VPS13B: variants seen among roughly 807,000 people sequenced by gnomAD.
The protein encoded by VPS13B is vacuolar protein sorting 13 homolog B.
In VPS13B, 285 loss-of-function variants were observed where a neutral mutation model predicts 426.4. The observed-to-expected ratio is 0.67, with a 90% CI of 0.61 to 0.74. The LOEUF is 0.74. Among genes scored for constraint, VPS13B ranks in the 30% least tolerant of loss-of-function variants. VPS13B has a pLI of 0.00. For synonymous variants in VPS13B, 1,676 were observed against 1,676.4 expected (o/e 1.00, Z 0.01); for missense variants, 4,537 against 4,782.6 (o/e 0.95, Z 1.51).
chr8:99,177,470 G>A (rs961795174), intron 16 of VPS13B, among the ~76,000 whole-genome samples: 1 of 152,124 alleles, frequency 6.6e-6, no homozygotes, highest in Admixed American at 6.5e-5. Flanking sequence ...ACAATTATAG[G>A]TAAATAGTAT....
At chr8:99,686,257 G>T (rs75566080) in intron 35 of VPS13B, among the ~76,000 whole-genome samples, 1 of 152,172 alleles carries the variant, frequency 6.6e-6, no homozygotes, top group African/African-American at 2.4e-5. Context: ...GGCTAAGGAA[G>T]GTAACACAAG....
intron 40 of VPS13B, among the ~76,000 whole-genome samples, chr8:99,767,521 C>T (rs1040581349): frequency 1.8e-5 from 2 of 109,898 alleles, no homozygotes; most frequent in Non-Finnish European, 3.7e-5. Flanking sequence ...AAAAAAAAGG[C>T]GACAGTCCTC....
chr8:99,133,303 G>A (rs973099219), intron 8 of VPS13B, among the ~76,000 whole-genome samples: 14 of 152,154 alleles, frequency 9.2e-5, no homozygotes, highest in Admixed American at 6.5e-5. Context: ...GCTTTCTTAC[G>A]TCTATTAGCC....
At chr8:99,461,862 T>TGA (rs1483181823) in intron 23 of VPS13B, among the ~76,000 whole-genome samples, 33 of 152,142 alleles carry the variant, frequency 2.2e-4, no homozygotes, top group African/African-American at 8.0e-4. Flanking sequence ...AAACTAAATA[T>TGA]CAGTTAATAG....
At chr8:99,464,536 G>A (rs1235057934) in intron 23 of VPS13B, among the ~76,000 whole-genome samples, 1 of 152,006 alleles carries the variant, frequency 6.6e-6, no homozygotes, top group Non-Finnish European at 1.5e-5. Flanking sequence ...TGACAAAAAC[G>A]TTTTTTATAT....
At chr8:99,664,865 T>C (rs1023272899) in intron 35 of VPS13B, among the ~76,000 whole-genome samples, 9 of 152,230 alleles carry the variant, frequency 5.9e-5, no homozygotes, top group African/African-American at 2.2e-4. Context: ...ATGGTATTTC[T>C]AGTTCTAGAT....
At chr8:99,823,615 G>A (rs1814504904) in intron 50 of VPS13B, among the ~76,000 whole-genome samples, 1 of 152,194 alleles carries the variant, frequency 6.6e-6, no homozygotes, top group Non-Finnish European at 1.5e-5. Context: ...AAAAGTAACA[G>A]GGCTGCTAAA....
At chr8:99,522,230 A>G (rs141596221) in intron 30 of VPS13B, among the ~76,000 whole-genome samples, 99 of 152,308 alleles carry the variant, frequency 6.5e-4, no homozygotes, top group African/African-American at 2.3e-3. Context: ...TTAATTTTCT[A>G]ACATTTGGAA....
chr8:99,733,742 A>G (rs978268103), intron 39 of VPS13B, among the ~76,000 whole-genome samples: 1 of 152,156 alleles, frequency 6.6e-6, no homozygotes, highest in Non-Finnish European at 1.5e-5. Context: ...TTCAATACCT[A>G]GTTAAAAAAA....
chr8:99,273,539 C>T (rs1818718326), intron 17 of VPS13B, among the ~76,000 whole-genome samples: 1 of 152,024 alleles, frequency 6.6e-6, no homozygotes, highest in Admixed American at 6.5e-5. Flanking sequence ...AATCCTAGCA[C>T]TTTGGAAGGC....
At chr8:99,785,368 C>A (rs911804271) in intron 43 of VPS13B, among the ~76,000 whole-genome samples, 3 of 152,126 alleles carry the variant, frequency 2.0e-5, no homozygotes, top group African/African-American at 7.2e-5. Context: ...ACCCCTTGGG[C>A]TCCATCTGAG....
At chr8:99,291,967 T>C (rs1819761503) in intron 19 of VPS13B, among the ~76,000 whole-genome samples, 1 of 152,146 alleles carries the variant, frequency 6.6e-6, no homozygotes. Context: ...TTCAGATAAG[T>C]ATAATTAGGA....
intron 28 of VPS13B, among the ~76,000 whole-genome samples, chr8:99,509,179 A>G (rs1459386110): frequency 1.3e-5 from 2 of 152,132 alleles, no homozygotes; most frequent in East Asian, 1.9e-4. Flanking sequence ...TACCTTAACA[A>G]TCCTTCTCCA....
At chr8:99,613,608 A>G (rs1420046313) in intron 33 of VPS13B, among the ~76,000 whole-genome samples, 1 of 152,210 alleles carries the variant, frequency 6.6e-6, no homozygotes, top group Non-Finnish European at 1.5e-5. Context: ...AGGAAAGGTG[A>G]AAATGTTTTC....
chr8:99,335,020 T>C (rs1810750934), intron 19 of VPS13B, among the ~76,000 whole-genome samples: 1 of 152,210 alleles, frequency 6.6e-6, no homozygotes, highest in Non-Finnish European at 1.5e-5. Context: ...TATTGATTAT[T>C]GCCACAATTT....
At chr8:99,566,550 C>T (rs562236302) in intron 31 of VPS13B, among the ~76,000 whole-genome samples, 21 of 152,158 alleles carry the variant, frequency 1.4e-4, no homozygotes, top group African/African-American at 4.6e-4. Flanking sequence ...AAGCAATTCT[C>T]CTGCCTCTCA....
chr8:99,214,688 A>G (rs1236599514), intron 17 of VPS13B, among the ~76,000 whole-genome samples: 1 of 152,190 alleles, frequency 6.6e-6, no homozygotes, highest in Admixed American at 6.5e-5. Context: ...ATACTTTAAC[A>G]ACATATTCAT....
At chr8:99,350,886 C>T (rs949099015) in intron 19 of VPS13B, among the ~76,000 whole-genome samples, 2 of 151,436 alleles carry the variant, frequency 1.3e-5, no homozygotes, top group African/African-American at 4.8e-5. Context: ...TAGTATGAAT[C>T]AGGAGATTGT....
chr8:99,738,952 A>G (rs748902652), intron 39 of VPS13B, among the ~76,000 whole-genome samples: 36 of 152,286 alleles, frequency 2.4e-4, no homozygotes, highest in Non-Finnish European at 3.4e-4. Flanking sequence ...GGTTCATCTC[A>G]CTGGGGAGTG....
Sources: allele counts gnomAD v4.1 joint callset (sites outside exome capture counted in the v4.1 genomes callset), GRCh38; gene constraint gnomAD v4.1.1; transcripts MANE v1.5; gene names NCBI Gene and HGNC (gene_info 2026-07-23, HGNC 2026-07-21).